USP38: variants seen among roughly 807,000 people sequenced by gnomAD.
USP38 encodes ubiquitin specific peptidase 38.
Under a neutral mutation model 94.3 loss-of-function variants are expected in USP38, and 49 were observed. That is an observed-to-expected ratio of 0.52 (90% CI 0.41 to 0.66). The LOEUF is 0.66. USP38 is among the 30% of genes least tolerant of loss of function. The pLI is 0.00. For synonymous variants in USP38, 468 were observed against 463.6 expected, an observed-to-expected ratio of 1.01 and a Z score of -0.12; for missense variants, 1,128 against 1,229.4, an observed-to-expected ratio of 0.92 and a Z score of 1.23.
At chr4:143,220,144 A>T (rs1488316541) in intron 9 of USP38, 151 bp from the exon 10 acceptor site, 16 of 704,734 alleles carry the variant, frequency 2.3e-5, no homozygotes, top group Middle Eastern at 4.5e-4. Flanking sequence ...TCTTAGAGAA[A>T]TTTTTTTTTC....
intron 1 of USP38, 151 bp from the exon 2 acceptor site, chr4:143,187,675 A>T (rs1038389190): frequency 1.4e-5 from 10 of 735,278 alleles, no homozygotes; most frequent in Non-Finnish European, 2.1e-5. Flanking sequence ...ATTCCTTGTA[A>T]ATTAAGAGTC....
intron 7 of USP38, among the ~76,000 whole-genome samples, chr4:143,210,934 T>C (rs1409536308): frequency 6.6e-6 from 1 of 152,010 alleles, no homozygotes; most frequent in Non-Finnish European, 1.5e-5. Context: ...TTTATTATTC[T>C]TTATCTGGGG....
At chr4:143,213,138 C>T (rs1488065581) in intron 8 of USP38, among the ~76,000 whole-genome samples, 2 of 152,058 alleles carry the variant, frequency 1.3e-5, no homozygotes, top group Admixed American at 6.6e-5. Flanking sequence ...ATTAATAAAA[C>T]CTGTTATCAT....
chr4:143,193,428 A>T (rs1194395476), intron 2 of USP38, among the ~76,000 whole-genome samples: 1 of 152,206 alleles, frequency 6.6e-6, no homozygotes, highest in East Asian at 1.9e-4. Flanking sequence ...TACCCTCTGT[A>T]CACATATGCA....
chr4:143,191,264 A>G (rs1358175942), intron 2 of USP38, among the ~76,000 whole-genome samples: 5 of 152,188 alleles, frequency 3.3e-5, no homozygotes, highest in Admixed American at 6.5e-5. Flanking sequence ...AGGACCAAAC[A>G]GGTAACATTA....
In USP38 at chr4:143,212,308, C is replaced by G; in HGVS notation, c.1498-10C>G. The G allele has an allele frequency of 6.3e-7, 1 of 1,593,644 alleles. No homozygotes were observed. The highest frequency in any genetic ancestry group is 8.5e-7 in the Non-Finnish European group (1 of 1,169,878). ...TCACTTCCTTATATTTTCTCAATTG[C>G]TCTCAAAAGAGGGAAGCATACGCAC... is the stretch of plus-strand genomic sequence containing the variant. On this transcript the variant is annotated splice_polypyrimidine_tract_variant and intron_variant, in intron 7 of 9. Coordinates refer to ENST00000307017, the MANE Select transcript of USP38 (RefSeq NM_032557.6).
At position 143,209,577 on chromosome 4, in the gene USP38, G is replaced by A. The variant is rs1215652253; in HGVS notation, c.1417G>A (p.Val473Ile). The change falls in exon 7 of 10, where the codon GTA (valine) becomes ATA (isoleucine). Residue 473 changes from valine to isoleucine, a missense_variant. By Grantham distance (29) the Val-to-Ile change is conservative. Transcript: ENST00000307017. ...ATTCTCTTTCAGTTTCAGGAGACAA[G>A]TATTATCTTTAAATCTAAATGGGTG... is the stretch of plus-strand genomic sequence containing the variant. ...LFMATDFRRQ[V>I]LSLNLNGCNS... 5.7e-6 allele frequency: 9 copies of A among 1,585,524 alleles called. 1 individual carries two copies. The South Asian group carries it at 8.9e-5, about 16-fold the overall frequency.
intron 9 of USP38, among the ~76,000 whole-genome samples, chr4:143,218,911 G>A (rs1275013030): frequency 1.3e-5 from 2 of 151,938 alleles, no homozygotes; most frequent in Admixed American, 6.6e-5. Context: ...TGGTTGGGGG[G>A]TTTCTGTCTG....
At chr4:143,211,334 G>C (rs1015135656) in intron 7 of USP38, among the ~76,000 whole-genome samples, 1 of 152,092 alleles carries the variant, frequency 6.6e-6, no homozygotes, top group Non-Finnish European at 1.5e-5. Context: ...TTATTGAACA[G>C]TTACTTTTTT....
intron 1 of USP38, among the ~76,000 whole-genome samples, chr4:143,186,629 G>T (rs1230692773): frequency 1.3e-5 from 2 of 152,038 alleles, no homozygotes; most frequent in Non-Finnish European, 2.9e-5. Context: ...TTTTTAAATA[G>T]TGACATTTTT....
chr4:143,218,873 G>T (rs765364147), intron 9 of USP38, among the ~76,000 whole-genome samples: 1 of 152,002 alleles, frequency 6.6e-6, no homozygotes, highest in African/African-American at 2.4e-5. Flanking sequence ...AGTTTAATAG[G>T]TTATAGAGCT....
rs554058495 is a variant in USP38 at position 143,196,526 on chromosome 4, T to C, written c.948+681T>C. 5.3e-5 allele frequency among the ~76,000 whole-genome samples: 8 copies of C among 152,244 alleles called. No homozygotes were observed. The East Asian group carries it at 1.5e-3, about 29-fold the overall frequency. On this transcript the variant is annotated intron_variant, in intron 3 of 9. Coordinates refer to ENST00000307017, the MANE Select transcript of USP38 (RefSeq NM_032557.6). ...ATTTGGCACAGTCGATCACTCCCTCTTGTTTCCAGGACATTATACTCTCCT... is the reference window on the plus strand; with the variant it reads ...ATTTGGCACAGTCGATCACTCCCTCCTGTTTCCAGGACATTATACTCTCCT...
intron 1 of USP38, among the ~76,000 whole-genome samples, chr4:143,186,372 G>T (rs1731225212): frequency 6.6e-6 from 1 of 152,150 alleles, no homozygotes; most frequent in Admixed American, 6.5e-5. Flanking sequence ...AAGACCTTTG[G>T]CACTAAACAA....
In USP38 at chr4:143,185,257, G is replaced by T. The variant is rs1473331345; in HGVS notation, c.-194G>T. ...GTCGGTTCTTAGGCTCTCCAGGCTCGCTAGCTCCCGCCCCGGCTTGGATGG... is the reference window on the plus strand; with the variant it reads ...GTCGGTTCTTAGGCTCTCCAGGCTCTCTAGCTCCCGCCCCGGCTTGGATGG... On this transcript the variant is annotated 5_prime_UTR_variant, in exon 1 of 10. Coordinates refer to ENST00000307017, the MANE Select transcript of USP38 (RefSeq NM_032557.6). 18 of 644,768 alleles carry T rather than the reference G, an allele frequency of 2.8e-5. No individual in the cohort carries two copies. The East Asian group carries it at 3.2e-4, about 11-fold the overall frequency. 39.9% of individuals were successfully genotyped at this position (644,768 alleles called of 1,614,324 possible). A position where few individuals can be genotyped will look rare whatever the true frequency, so the allele number is the denominator to read the frequency against.
intron 4 of USP38, 129 bp downstream of exon 4, chr4:143,198,053 T>C (rs913489848): frequency 1.1e-5 from 6 of 569,612 alleles, no homozygotes; most frequent in African/African-American, 1.9e-5. Flanking sequence ...TATAGCTTTA[T>C]GATTTCCTAG....
In USP38 at chr4:143,194,805, A is replaced by G. The variant is rs542706671; in HGVS notation, c.819-911A>G. On this transcript the variant is annotated intron_variant, in intron 2 of 9. Coordinates refer to ENST00000307017, the MANE Select transcript of USP38 (RefSeq NM_032557.6). ...TTACAGGCGTGAGCCACTGCATCTG[A>G]CTTTCAGCTGCTTTCTGAAAGAGTT... Among the ~76,000 whole-genome samples, 26 of 152,044 alleles carry G rather than the reference A, an allele frequency of 1.7e-4. No homozygotes were observed. The South Asian group carries it at 5.4e-3, about 32-fold the overall frequency.
chr4:143,186,728 A>C (rs1254117119), intron 1 of USP38, among the ~76,000 whole-genome samples: 1 of 152,220 alleles, frequency 6.6e-6, no homozygotes, highest in African/African-American at 2.4e-5. Context: ...TTTTGTGCCC[A>C]TGAACTGCAT....
At chr4:143,199,100 C>G (rs1731635572) in intron 4 of USP38, among the ~76,000 whole-genome samples, 1 of 151,996 alleles carries the variant, frequency 6.6e-6, no homozygotes, top group Non-Finnish European at 1.5e-5. Context: ...AAACCCAGTA[C>G]CCAATAGTTA....
chr4:143,206,460 C>A (rs866881789), intron 6 of USP38, among the ~76,000 whole-genome samples: 2 of 152,084 alleles, frequency 1.3e-5, no homozygotes, highest in African/African-American at 4.8e-5. Context: ...GAGGCCAAGA[C>A]GGGTGGATAG....
Sources: allele counts gnomAD v4.1 joint callset (sites outside exome capture counted in the v4.1 genomes callset), GRCh38; gene constraint gnomAD v4.1.1; transcripts MANE v1.5; gene names NCBI Gene and HGNC (gene_info 2026-07-23, HGNC 2026-07-21).